The following MCF2L2 variants were observed in gnomAD, a reference collection of about 807,000 sequenced individuals.
MCF2L2 encodes probable guanine nucleotide exchange factor MCF2L2.
MCF2L2 carries 102 observed loss-of-function variants against 150.2 expected under a neutral mutation model. The observed-to-expected ratio is 0.68, with a 90% CI of 0.58 to 0.80. The LOEUF is 0.80. Ranked by LOEUF, MCF2L2 falls within the 30% of genes least tolerant of loss-of-function variation. The pLI, the probability that MCF2L2 is intolerant of heterozygous loss-of-function variation, is 0.00. For synonymous variants in MCF2L2, 465 were observed against 491.3 expected, an observed-to-expected ratio of 0.95 and a Z score of 0.71; for missense variants, 1,256 against 1,372.8, an observed-to-expected ratio of 0.91 and a Z score of 1.34.
At chr3:183,397,356 G>A (rs545060122) in intron 1 of MCF2L2, among the ~76,000 whole-genome samples, 9 of 152,302 alleles carry the variant, frequency 5.9e-5, no homozygotes, top group African/African-American at 2.2e-4. Flanking sequence ...GTGGAAGGGC[G>A]AAAGGGGTGT....
intron 20 of MCF2L2, among the ~76,000 whole-genome samples, chr3:183,221,269 CTT>C (rs1723139630): frequency 6.6e-6 from 1 of 152,328 alleles, no homozygotes; most frequent in Non-Finnish European, 1.5e-5. Context: ...AATTCTATCT[CTT>C]GTTTCTTCAG....
Position 183,334,473 on chromosome 3 carries a change from G to A in MCF2L2, c.486+4327C>T, listed in dbSNP as rs1577070302. Among the ~76,000 whole-genome samples the A allele has an allele frequency of 3.3e-5, 5 of 152,100 alleles. No individual in the cohort carries two copies. The South Asian group carries it at 1.0e-3, about 32-fold the overall frequency. On this transcript the variant is annotated intron_variant, in intron 5 of 29. Transcript: ENST00000328913. ...CCAGGCGATACTCCAAGAAGGACAT[G>A]TATCACTTAAGTAGCATAAAAGACA...
chr3:183,396,061 T>C (rs777052972), intron 1 of MCF2L2, among the ~76,000 whole-genome samples: 12 of 144,738 alleles, frequency 8.3e-5, no homozygotes, highest in Non-Finnish European at 1.7e-4. Context: ...CCTCCCCCCA[T>C]GAACATATGT....
At chr3:183,258,939 A>C (rs775735915) in intron 15 of MCF2L2, among the ~76,000 whole-genome samples, 31 of 152,220 alleles carry the variant, frequency 2.0e-4, no homozygotes, top group Non-Finnish European at 4.4e-5. Context: ...AATGCAATAT[A>C]AATGCTATGT....
intron 15 of MCF2L2, 146 bp from the exon 16 acceptor site, chr3:183,231,163 T>C: frequency 1.4e-6 from 1 of 705,692 alleles, no homozygotes; most frequent in Non-Finnish European, 2.6e-6. Context: ...TTCATTCTGT[T>C]CTATTGAACA....
chr3:183,271,013 C>G, intron 15 of MCF2L2: 1 of 1,335,630 alleles, frequency 7.5e-7, no homozygotes, highest in Non-Finnish European at 1.0e-6. Context: ...TTCGTCTATA[C>G]CCTAAGTAAA....
chr3:183,390,005 C>T (rs957343779), intron 1 of MCF2L2, among the ~76,000 whole-genome samples: 1 of 152,066 alleles, frequency 6.6e-6, no homozygotes, highest in Non-Finnish European at 1.5e-5. Context: ...TTCTAGAGCC[C>T]CTACCAAGGC....
intron 6 of MCF2L2, 121 bp from the exon 7 acceptor site, chr3:183,318,338 G>T (rs758209508): frequency 1.8e-6 from 2 of 1,128,664 alleles, no homozygotes; most frequent in Non-Finnish European, 2.6e-6. Context: ...CCTTGGAAAT[G>T]GTATAGAGGA....
intron 1 of MCF2L2, among the ~76,000 whole-genome samples, chr3:183,397,279 G>T (rs900190474): frequency 2.0e-5 from 3 of 152,226 alleles, no homozygotes; most frequent in South Asian, 2.1e-4. Context: ...GCACCAGCAG[G>T]TTCCGTGTCT....
Position 183,289,039 on chromosome 3 carries a change from AT to A in MCF2L2, c.1776+80del. The A allele has an allele frequency of 5.3e-6, 5 of 939,732 alleles. No homozygotes were observed. In the South Asian group the frequency reaches 5.6e-5, roughly 11 times the overall value. 58.2% of individuals were successfully genotyped at this position (939,732 alleles called of 1,614,324 possible). A position where few individuals can be genotyped will look rare whatever the true frequency, so the allele number is the denominator to read the frequency against. ...CTTAGGTACAGATTAAGGAAACACA[AT>A]TTGTTGATTTATTGATAATTGTGAC... On this transcript the variant is annotated intron_variant, in intron 14 of 29. Coordinates refer to ENST00000328913, the MANE Select transcript of MCF2L2 (RefSeq NM_015078.4).
chr3:183,355,758 A>G (rs527877071), intron 3 of MCF2L2, among the ~76,000 whole-genome samples: 65 of 150,502 alleles, frequency 4.3e-4, no homozygotes, highest in African/African-American at 1.5e-3. Flanking sequence ...GAGCCACCGC[A>G]CCCGGCCATC....
At chr3:183,394,270 T>C (rs1714324131) in intron 1 of MCF2L2, among the ~76,000 whole-genome samples, 1 of 152,160 alleles carries the variant, frequency 6.6e-6, no homozygotes, top group Non-Finnish European at 1.5e-5. Context: ...ACCCTAACTG[T>C]TAATAACATG....
intron 7 of MCF2L2, among the ~76,000 whole-genome samples, chr3:183,313,250 C>CAT (rs1484725677): frequency 3.9e-5 from 6 of 151,908 alleles, no homozygotes; most frequent in Non-Finnish European, 8.8e-5. Flanking sequence ...CACACACACA[C>CAT]ACACACATAT....
chr3:183,319,291 AG>A (rs1354653925), intron 6 of MCF2L2, among the ~76,000 whole-genome samples: 1 of 152,238 alleles, frequency 6.6e-6, no homozygotes, highest in Non-Finnish European at 1.5e-5. Flanking sequence ...GCAGCAATGC[AG>A]TCACATCTTC....
At chr3:183,324,150 G>A (rs982525959) in intron 5 of MCF2L2, among the ~76,000 whole-genome samples, 4 of 152,188 alleles carry the variant, frequency 2.6e-5, no homozygotes, top group Admixed American at 1.3e-4. Context: ...ACACTGGTGC[G>A]CCCCGATGAA....
chr3:183,388,209 T>C (rs971138908), intron 2 of MCF2L2, among the ~76,000 whole-genome samples: 1 of 152,152 alleles, frequency 6.6e-6, no homozygotes, highest in Non-Finnish European at 1.5e-5. Flanking sequence ...AGATGAGCCA[T>C]TGTGTAATTA....
intron 2 of MCF2L2, among the ~76,000 whole-genome samples, chr3:183,384,391 T>C (rs1217928660): frequency 6.6e-6 from 1 of 152,244 alleles, no homozygotes; most frequent in East Asian, 1.9e-4. Context: ...AATGATGGTT[T>C]AGGAGTCATG....
intron 1 of MCF2L2, among the ~76,000 whole-genome samples, chr3:183,424,368 T>C (rs1344128601): frequency 6.6e-6 from 1 of 152,208 alleles, no homozygotes; most frequent in Admixed American, 6.5e-5. Context: ...CATGTTTACT[T>C]TCAAATGGGG....
chr3:183,202,444 A>G (rs1722321675), intron 25 of MCF2L2, among the ~76,000 whole-genome samples: 1 of 152,224 alleles, frequency 6.6e-6, no homozygotes, highest in South Asian at 2.1e-4. Context: ...TCCTGTGAAC[A>G]TGTTCAGGAC....
Sources: allele counts gnomAD v4.1 joint callset (sites outside exome capture counted in the v4.1 genomes callset), GRCh38; gene constraint gnomAD v4.1.1; transcripts MANE v1.5; gene names NCBI Gene and HGNC (gene_info 2026-07-23, HGNC 2026-07-21).